ZNF385D: variants seen among roughly 807,000 people sequenced by gnomAD.
ZNF385D encodes the protein zinc finger protein 659.
A neutral mutation model predicts 35.8 loss-of-function variants in ZNF385D; 15 were observed. The ratio of observed to expected loss-of-function variants is 0.42; its 90% CI spans 0.28 to 0.64. ZNF385D has a LOEUF of 0.64. Ranked by LOEUF, ZNF385D falls within the 30% of genes least tolerant of loss-of-function variation. ZNF385D has a pLI of 0.23. For missense variants in ZNF385D, 474 were observed against 494.6 expected (o/e 0.96, Z 0.39); for synonymous variants, 212 against 186.8 (o/e 1.13, Z -1.10).
Position 22,087,764 on chromosome 3 carries a change from A to G in ZNF385D, c.325+81053T>C, listed in dbSNP as rs982848224. ...TATGGAACAGATAGGTGAGTTAGAAATTAGTGATTTATTAATAATGGGAAA... is the reference window on the plus strand; with the variant it reads ...TATGGAACAGATAGGTGAGTTAGAAGTTAGTGATTTATTAATAATGGGAAA... On this transcript the variant is annotated intron_variant, in intron 3 of 5. Coordinates refer to the ZNF385D transcript ENST00000494108. Among the ~76,000 whole-genome samples the G allele has an allele frequency of 9.2e-5, 14 of 152,292 alleles. 1 individual carries two copies. Among genetic ancestry groups the G allele is most frequent in the Admixed American group, 5.9e-4 (9 of 15,288 alleles).
chr3:21,459,845 A>T (rs923943907), intron 4 of ZNF385D, among the ~76,000 whole-genome samples: 1 of 152,112 alleles, frequency 6.6e-6, no homozygotes, highest in African/African-American at 2.4e-5. Context: ...ACAATATTCA[A>T]TTTTTATCTT....
chr3:21,938,744 C>A lies in ZNF385D; in HGVS notation c.325+230073G>T, dbSNP rs79659495. Among the ~76,000 whole-genome samples the A allele has an allele frequency of 2.5e-3, 378 of 152,312 alleles. 1 individual carries two copies. The highest frequency in any genetic ancestry group is 8.7e-3 in the African/African-American group (360 of 41,572). On this transcript the variant is annotated intron_variant, in intron 3 of 5. Transcript: ENST00000494108. ...AAAACTAATGTCCACCTCAACACCC[C>A]CACCTTCTATGTCCATCTTTCTATG...
intron 3 of ZNF385D, among the ~76,000 whole-genome samples, chr3:21,841,497 T>A (rs1695672019): frequency 6.6e-6 from 1 of 152,014 alleles, no homozygotes; most frequent in African/African-American, 2.4e-5. Flanking sequence ...AGGTTACAAG[T>A]CGTAAGTTTT....
chr3:22,237,170 G>A (rs1009978586), intron 2 of ZNF385D, among the ~76,000 whole-genome samples: 1 of 142,552 alleles, frequency 7.0e-6, no homozygotes. Flanking sequence ...ACCACTCCAC[G>A]TCTTTGCCAG....
intron 2 of ZNF385D, among the ~76,000 whole-genome samples, chr3:22,215,755 T>C (rs546636665): frequency 6.6e-6 from 1 of 152,096 alleles, no homozygotes; most frequent in Admixed American, 6.6e-5. Context: ...ACCCTATTTG[T>C]ACACACCCTC....
intron 5 of ZNF385D, among the ~76,000 whole-genome samples, chr3:21,426,879 C>T (rs1701049370): frequency 6.6e-6 from 1 of 152,198 alleles, no homozygotes; most frequent in African/African-American, 2.4e-5. Flanking sequence ...AAAATGATTA[C>T]ATTTTACTGA....
At chr3:21,429,844 A>T (rs1356408816) in intron 5 of ZNF385D, among the ~76,000 whole-genome samples, 3 of 152,158 alleles carry the variant, frequency 2.0e-5, no homozygotes, top group Non-Finnish European at 2.9e-5. Context: ...AGTTACCATC[A>T]TATTGACAAG....
chr3:21,964,269 T>A (rs190683677), intron 3 of ZNF385D, among the ~76,000 whole-genome samples: 19 of 151,660 alleles, frequency 1.3e-4, no homozygotes, highest in Non-Finnish European at 2.4e-4. Context: ...AAAACTGAAA[T>A]TGGCATCATT....
At chr3:21,720,299 A>G (rs1256511213) in intron 1 of ZNF385D, among the ~76,000 whole-genome samples, 1 of 152,184 alleles carries the variant, frequency 6.6e-6, no homozygotes, top group Non-Finnish European at 1.5e-5. Flanking sequence ...AGTGACTCAA[A>G]TCCCAGTACT....
intron 2 of ZNF385D, among the ~76,000 whole-genome samples, chr3:21,589,846 A>G (rs1213431449): frequency 6.6e-6 from 1 of 152,194 alleles, no homozygotes; most frequent in African/African-American, 2.4e-5. Flanking sequence ...TAACAGTAGC[A>G]ACCACTGATG....
intron 3 of ZNF385D, among the ~76,000 whole-genome samples, chr3:21,793,928 A>G (rs2072034756): frequency 6.6e-6 from 1 of 152,122 alleles, no homozygotes; most frequent in African/African-American, 2.4e-5. Flanking sequence ...AACAGTATCT[A>G]TTTTTCTGTA....
At chr3:21,698,741 A>T (rs1315921099) in intron 1 of ZNF385D, among the ~76,000 whole-genome samples, 1 of 150,532 alleles carries the variant, frequency 6.6e-6, no homozygotes, top group African/African-American at 2.4e-5. Context: ...AAAAAAAAAA[A>T]GTTTATTGTC....
At chr3:22,195,047 A>T (rs899045759) in intron 2 of ZNF385D, among the ~76,000 whole-genome samples, 1 of 151,782 alleles carries the variant, frequency 6.6e-6, no homozygotes, top group African/African-American at 2.4e-5. Flanking sequence ...ACTGCAAATT[A>T]TTTTCCCCCC....
chr3:21,563,859 A>C lies in ZNF385D; in HGVS notation c.276+715T>G, dbSNP rs183404766. On this transcript the variant is annotated intron_variant, in intron 3 of 7. Transcript: ENST00000281523. ...GTTTAGCGGGGAAGAGAAGACATACATTTTTTTTTCCCATTGGCCACAGAT... is the reference window on the plus strand; with the variant it reads ...GTTTAGCGGGGAAGAGAAGACATACCTTTTTTTTTCCCATTGGCCACAGAT... Among the ~76,000 whole-genome samples, 861 of 151,492 alleles carry C rather than the reference A, an allele frequency of 5.7e-3. 32 individuals carry two copies. Among genetic ancestry groups the C allele is most frequent in the Admixed American group, 0.052 (782 of 15,160 alleles).
chr3:22,045,699 G>A (rs893220932), intron 3 of ZNF385D, among the ~76,000 whole-genome samples: 6 of 151,742 alleles, frequency 4.0e-5, no homozygotes, highest in African/African-American at 1.5e-4. Flanking sequence ...AATCACTTTC[G>A]AGTATTATTC....
At chr3:22,132,179 A>C (rs925593677) in intron 3 of ZNF385D, among the ~76,000 whole-genome samples, 1 of 152,106 alleles carries the variant, frequency 6.6e-6, no homozygotes, top group African/African-American at 2.4e-5. Flanking sequence ...TGGTATTTGG[A>C]GGCAGGATCT....
chr3:22,171,212 G>A (rs1312596813), intron 2 of ZNF385D, among the ~76,000 whole-genome samples: 1 of 152,210 alleles, frequency 6.6e-6, no homozygotes, highest in African/African-American at 2.4e-5. Flanking sequence ...ATGCTACAGA[G>A]ATAGTCACAG....
intron 3 of ZNF385D, among the ~76,000 whole-genome samples, chr3:21,867,160 C>T (rs539277368): frequency 6.1e-4 from 93 of 152,118 alleles, no homozygotes; most frequent in Non-Finnish European, 1.1e-3. Context: ...TGTGTCCTCA[C>T]ATCACAGAGA....
rs542865906 is a variant in ZNF385D, at chr3:21,811,023, G to A, written c.326-145995C>T. Among the ~76,000 whole-genome samples, 7 of 147,610 alleles carry A rather than the reference G, an allele frequency of 4.7e-5. No individual in the cohort carries two copies. The East Asian group carries it at 9.9e-4, about 21-fold the overall frequency. On this transcript the variant is annotated intron_variant, in intron 3 of 5. Transcript: ENST00000494108. ...GTATATATATATACATTTTAAGTAA[G>A]TAATTAATGTAATTAATGTCTTTAG...
Sources: gnomAD v4.1 joint callset for allele counts (sites outside exome capture counted in the v4.1 genomes callset) on GRCh38, gnomAD v4.1.1 for gene constraint, MANE v1.5 for transcripts, NCBI Gene and HGNC (gene_info 2026-07-23, HGNC 2026-07-21) for gene names.